CDK14: variants seen among roughly 807,000 people sequenced by gnomAD.
CDK14 encodes cyclin-dependent kinase 14.
In CDK14, 34 loss-of-function variants were observed where a neutral mutation model predicts 60.7. That is an observed-to-expected ratio of 0.56 (90% CI 0.43 to 0.75). CDK14 has a LOEUF of 0.75. Among genes scored for constraint, CDK14 ranks in the 30% least tolerant of loss-of-function variants. CDK14 has a pLI of 0.00. For missense variants in CDK14, 482 were observed against 564.1 expected, an observed-to-expected ratio of 0.85 and a Z score of 1.47; for synonymous variants, 197 against 203.7, an observed-to-expected ratio of 0.97 and a Z score of 0.28.
intron 10 of CDK14, among the ~76,000 whole-genome samples, chr7:91,008,331 AG>A: frequency 6.6e-6 from 1 of 152,282 alleles, no homozygotes; most frequent in South Asian, 2.1e-4. Context: ...AAAGACAGGC[AG>A]GTGAGGAAAA....
At chr7:90,877,820 A>C (rs1053660294) in intron 6 of CDK14, among the ~76,000 whole-genome samples, 1 of 152,126 alleles carries the variant, frequency 6.6e-6, no homozygotes, top group Admixed American at 6.6e-5. Flanking sequence ...GGGATCTTTA[A>C]AAAAATCAGA....
rs146841715 is a variant in CDK14, at chr7:90,944,685, T to C, written c.827-11012T>C. On this transcript the variant is annotated intron_variant, in intron 8 of 14. Transcript: ENST00000380050. ...AGTGTGAGGCTGCAGTGAGCTGTGA[T>C]TGTGCCACAGCACTCCAGCCTGGGT... Among the ~76,000 whole-genome samples the C allele has an allele frequency of 9.2e-3, 1,399 of 152,334 alleles. 18 individuals are homozygous for C. Among genetic ancestry groups the C allele is most frequent in the African/African-American group, 0.032 (1,326 of 41,574 alleles).
chr7:90,910,502 T>A (rs746707010), intron 7 of CDK14, among the ~76,000 whole-genome samples: 6 of 152,208 alleles, frequency 3.9e-5, no homozygotes, highest in Non-Finnish European at 8.8e-5. Flanking sequence ...TTGTGCAGTC[T>A]ATGGGTTTTT....
At chr7:90,951,182 T>G (rs1236563964) in intron 8 of CDK14, among the ~76,000 whole-genome samples, 2 of 152,296 alleles carry the variant, frequency 1.3e-5, no homozygotes, top group East Asian at 3.9e-4. Context: ...ATCCAAGCAT[T>G]TTATGTCTGT....
intron 9 of CDK14, among the ~76,000 whole-genome samples, chr7:90,975,704 A>T (rs201792175): frequency 6.6e-6 from 1 of 152,016 alleles, no homozygotes; most frequent in East Asian, 1.9e-4. Flanking sequence ...CACTACCCTT[A>T]CCAGCCTCTA....
intron 9 of CDK14, among the ~76,000 whole-genome samples, chr7:90,983,570 C>T (rs993047076): frequency 3.1e-4 from 47 of 151,850 alleles, no homozygotes; most frequent in African/African-American, 9.9e-4. Context: ...GTCCCAGCTA[C>T]TCGGGAGGCT....
intron 14 of CDK14, among the ~76,000 whole-genome samples, chr7:91,200,782 T>A (rs942684858): frequency 1.3e-5 from 2 of 152,190 alleles, no homozygotes; most frequent in African/African-American, 4.8e-5. Context: ...TGATTTTTTT[T>A]ATTTTCATTA....
intron 14 of CDK14, among the ~76,000 whole-genome samples, chr7:91,196,147 C>G (rs1275117559): frequency 6.6e-6 from 1 of 152,208 alleles, no homozygotes; most frequent in Non-Finnish European, 1.5e-5. Flanking sequence ...CAATCTTGAG[C>G]TCCTTAAAGA....
intron 9 of CDK14, among the ~76,000 whole-genome samples, chr7:90,956,730 C>T (rs942455178): frequency 2.6e-5 from 4 of 151,898 alleles, no homozygotes; most frequent in Admixed American, 1.3e-4. Flanking sequence ...CTTCATCTAG[C>T]GTTAGGTATA....
Position 90,596,505 on chromosome 7 carries a change from C to G in CDK14, c.-123C>G. The G allele has an allele frequency of 1.3e-6, 1 of 752,382 alleles. No individual in the cohort carries two copies. Among genetic ancestry groups the G allele is most frequent in the Non-Finnish European group, 2.2e-6 (1 of 448,414 alleles). 46.6% of individuals were successfully genotyped at this position (752,382 alleles called of 1,614,324 possible). A position where few individuals can be genotyped will look rare whatever the true frequency, so the allele number is the denominator to read the frequency against. On this transcript the variant is annotated 5_prime_UTR_variant, in exon 1 of 15. Transcript: ENST00000380050. ...GCCTCCCTAGACCTGCGCGTCGCTT[C>G]CCGGCCCGCCGAGGAGGTGGTGGAG...
intron 8 of CDK14, among the ~76,000 whole-genome samples, chr7:90,931,810 G>T (rs1793600625): frequency 6.6e-6 from 1 of 151,954 alleles, no homozygotes; most frequent in Admixed American, 6.6e-5. Flanking sequence ...GTTTTGGTGA[G>T]AAGTTTTATT....
chr7:90,760,207 G>T (rs933091294), intron 4 of CDK14, among the ~76,000 whole-genome samples: 1 of 152,182 alleles, frequency 6.6e-6, no homozygotes, highest in Non-Finnish European at 1.5e-5. Flanking sequence ...GGAGAAATAG[G>T]GGGGAAGAAA....
At chr7:91,182,270 T>A (rs1396896808) in intron 14 of CDK14, among the ~76,000 whole-genome samples, 1 of 152,166 alleles carries the variant, frequency 6.6e-6, no homozygotes, top group African/African-American at 2.4e-5. Context: ...ATGAGAAATA[T>A]ACTGTATAAT....
intron 2 of CDK14, among the ~76,000 whole-genome samples, chr7:90,653,956 T>A (rs1379469155): frequency 6.6e-6 from 1 of 152,204 alleles, no homozygotes; most frequent in African/African-American, 2.4e-5. Context: ...CTGAGAATGA[T>A]GGTTTCACAC....
intron 1 of CDK14, among the ~76,000 whole-genome samples, chr7:90,598,426 A>G (rs1206549231): frequency 1.3e-5 from 2 of 152,212 alleles, no homozygotes; most frequent in African/African-American, 2.4e-5. Context: ...AATGTCTTCT[A>G]AGAGCTGGTG....
chr7:90,863,149 G>T (rs1178334339), intron 5 of CDK14, 26 bp from the exon 6 acceptor site: 1 of 1,302,196 alleles, frequency 7.7e-7, no homozygotes, highest in Non-Finnish European at 1.1e-6. Flanking sequence ...ACGATAAATT[G>T]TTTCTCTGTC....
intron 8 of CDK14, among the ~76,000 whole-genome samples, chr7:90,934,310 G>A (rs1309504433): frequency 1.3e-5 from 2 of 152,258 alleles, no homozygotes; most frequent in East Asian, 3.8e-4. Context: ...GCAATGTACA[G>A]TTTGCCATGT....
At chr7:90,638,499 C>T (rs191099724) in intron 2 of CDK14, among the ~76,000 whole-genome samples, 72 of 152,298 alleles carry the variant, frequency 4.7e-4, no homozygotes, top group African/African-American at 1.2e-3. Flanking sequence ...CCGAGAGATC[C>T]GCTGTTAGTC....
chr7:91,197,940 C>G (rs535340081), intron 14 of CDK14, among the ~76,000 whole-genome samples: 1 of 152,164 alleles, frequency 6.6e-6, no homozygotes, highest in African/African-American at 2.4e-5. Context: ...GTGATTTGTC[C>G]TTGGTCGATC....
Sources: allele counts gnomAD v4.1 joint callset (sites outside exome capture counted in the v4.1 genomes callset), GRCh38; gene constraint gnomAD v4.1.1; transcripts MANE v1.5; gene names NCBI Gene and HGNC (gene_info 2026-07-23, HGNC 2026-07-21).